EML6: variants seen among roughly 807,000 people sequenced by gnomAD.
The protein encoded by EML6 is echinoderm microtubule-associated protein-like 6.
Under a neutral mutation model 240.1 loss-of-function variants are expected in EML6, and 154 were observed. The ratio of observed to expected loss-of-function variants is 0.64; its 90% CI spans 0.56 to 0.73. EML6 has a LOEUF of 0.73. Among genes scored for constraint, EML6 ranks in the 30% least tolerant of loss-of-function variants. EML6 has a pLI of 0.00. For missense variants in EML6, 2,964 were observed against 2,474.6 expected, an observed-to-expected ratio of 1.20 and a Z score of -4.20; for synonymous variants, 1,148 against 899.0, an observed-to-expected ratio of 1.28 and a Z score of -4.95.
intron 9 of EML6, 118 bp downstream of exon 9, chr2:54,847,741 A>ATCGCAG: frequency 1.9e-6 from 2 of 1,036,730 alleles, no homozygotes; most frequent in Non-Finnish European, 2.8e-6. Context: ...TTCAAATAGG[A>ATCGCAG]ATACTATAGA....
intron 26 of EML6, among the ~76,000 whole-genome samples, chr2:54,917,404 G>A (rs546576567): frequency 3.2e-4 from 29 of 91,924 alleles, no homozygotes; most frequent in African/African-American, 1.1e-3. Context: ...TCACTCTTTT[G>A]CCCAGGCTGG....
chr2:54,776,338 G>T (rs1021736209), intron 2 of EML6, among the ~76,000 whole-genome samples: 1 of 152,094 alleles, frequency 6.6e-6, no homozygotes, highest in Admixed American at 6.6e-5. Context: ...CTGTAAAACT[G>T]CCTGGGCTCG....
Position 54,850,037 on chromosome 2 carries a change from T to G in EML6, c.1263T>G (p.Ser421=). 1.9e-6 allele frequency: 3 copies of G among 1,551,930 alleles called. No individual in the cohort carries two copies. The highest frequency in any genetic ancestry group is 2.6e-6 in the Non-Finnish European group (3 of 1,146,988). ...AAATGAAATTTTCTCCAGATGGTTCTTACCTTGCAGTGGGATCCAATGATG... is the reference window on the plus strand; with the variant it reads ...AAATGAAATTTTCTCCAGATGGTTCGTACCTTGCAGTGGGATCCAATGATG... ...IHEMKFSPDG[S]YLAVGSNDGP... Residue 421 remains serine (S), a synonymous_variant, in exon 10 of 42, where the codon TCT becomes TCG. Transcript: ENST00000356458.
chr2:54,757,685 C>T (rs970940069), intron 2 of EML6, among the ~76,000 whole-genome samples: 4 of 152,036 alleles, frequency 2.6e-5, no homozygotes, highest in Non-Finnish European at 4.4e-5. Context: ...TCAACTAGTC[C>T]TCCTACTTTC....
intron 11 of EML6, among the ~76,000 whole-genome samples, chr2:54,859,077 G>A (rs1258107936): frequency 6.6e-6 from 1 of 152,216 alleles, no homozygotes; most frequent in Non-Finnish European, 1.5e-5. Context: ...AGTGTTCACT[G>A]AGTAAAGCAA....
At chr2:54,884,286 C>T (rs1573066038) in intron 17 of EML6, among the ~76,000 whole-genome samples, 1 of 152,162 alleles carries the variant, frequency 6.6e-6, no homozygotes, top group African/African-American at 2.4e-5. Flanking sequence ...GGGCACAGAG[C>T]TTCCATGGCC....
chr2:54,725,061 C>G lies in EML6; in HGVS notation c.-1C>G. On this transcript the variant is annotated 5_prime_UTR_variant, in exon 2 of 42. The change creates a new upstream start codon in the 5' untranslated region. Transcript: ENST00000356458. This position sits in a 1 kb window ranked among gnomAD's most constrained non-coding sequence, Gnocchi z 4.3. ...CGGGGGGCGCGCGGGGTCGGCTTAT[C>G]ATGGCGGATCGGACGGCGCCCCGCT... is the stretch of plus-strand genomic sequence containing the variant. 1.3e-6 allele frequency: 2 copies of G among 1,519,932 alleles called. No homozygotes were observed. Among genetic ancestry groups the G allele is most frequent in the Non-Finnish European group, 1.8e-6 (2 of 1,134,258 alleles). The allele number at this position is 1,519,932 out of a possible 1,614,324, so 94.2% of individuals were successfully genotyped here.
At chr2:54,851,950 C>T (rs952030675) in intron 10 of EML6, among the ~76,000 whole-genome samples, 2 of 152,184 alleles carry the variant, frequency 1.3e-5, no homozygotes, top group African/African-American at 4.8e-5. Flanking sequence ...ATTAGGAAAA[C>T]TGGTTCCTGC....
intron 2 of EML6, among the ~76,000 whole-genome samples, chr2:54,766,618 C>G (rs1668197637): frequency 6.9e-6 from 1 of 143,976 alleles, no homozygotes; most frequent in Non-Finnish European, 1.6e-5. Context: ...GGCAAAGTTA[C>G]TATTTTTTTT....
intron 2 of EML6, among the ~76,000 whole-genome samples, chr2:54,789,513 CAAAAAAAAAAAAAAAA>C (rs576842183): frequency 2.2e-4 from 17 of 77,886 alleles, no homozygotes; most frequent in South Asian, 9.4e-4. Context: ...GACTTCGTCT[CAAAAAAAAAAAAAAAA>C]AAAAAAAAAA....
chr2:54,931,731 G>C (rs1674875462), intron 28 of EML6, among the ~76,000 whole-genome samples: 1 of 152,150 alleles, frequency 6.6e-6, no homozygotes, highest in Non-Finnish European at 1.5e-5. Flanking sequence ...AGTACTTGAG[G>C]ACTGAAAGAG....
In EML6 at chr2:54,725,243, A is replaced by G. The variant is rs771545400; in HGVS notation, c.182A>G (p.Asn61Ser). 1 of 1,481,250 alleles carries G rather than the reference A, an allele frequency of 6.8e-7. No individual in the cohort carries two copies. 91.8% of individuals were successfully genotyped at this position (1,481,250 alleles called of 1,614,324 possible). A position where few individuals can be genotyped will look rare whatever the true frequency, so the allele number is the denominator to read the frequency against. ...AGCCAAAAATTCTTCCTGGGACACA[A>G]CGACGACATTATCAGGTAAGGGGGT... ...EHSQKFFLGHNDDIISLALHP... is the reference protein window; with the variant it reads ...EHSQKFFLGHSDDIISLALHP... The change falls in exon 2 of 42, where the codon AAC (asparagine) becomes AGC (serine). Residue 61 changes from asparagine (N) to serine (S), a missense_variant. Coordinates refer to ENST00000356458, the MANE Select transcript of EML6 (RefSeq NM_001039753.4). This position sits in a 1 kb window ranked among gnomAD's most constrained non-coding sequence, Gnocchi z 4.3.
In EML6 at chr2:54,725,033, G is replaced by A. The variant is rs1349581341; in HGVS notation, c.-29G>A. 15 of 1,481,644 alleles carry A rather than the reference G, an allele frequency of 1.0e-5. No homozygotes were observed. The highest frequency in any genetic ancestry group is 2.4e-5 in the Admixed American group (1 of 41,494). The allele number at this position is 1,481,644 out of a possible 1,614,324, so 91.8% of individuals were successfully genotyped here. A position where few individuals can be genotyped will look rare whatever the true frequency, so the allele number is the denominator to read the frequency against. On this transcript the variant is annotated 5_prime_UTR_variant, in exon 2 of 42. Transcript: ENST00000356458. This position sits in a 1 kb window ranked among gnomAD's most constrained non-coding sequence, Gnocchi z 4.3. ...GCGAGGACGGCCCCGGCGCGCGGGG[G>A]GGCGGGGGGCGCGCGGGGTCGGCTT...
Position 54,903,371 on chromosome 2 carries a change from A to T in EML6, c.3278A>T (p.Asp1093Val), listed in dbSNP as rs570238408. Residue 1093 changes from aspartate (D) to valine (V), a missense_variant and splice_region_variant, in exon 24 of 42, where the codon GAT becomes GTT. Coordinates refer to ENST00000356458, the MANE Select transcript of EML6 (RefSeq NM_001039753.4). ...EMISDIKFSK[D>V]TGKYLAVASH... Reference sequence around the variant, plus strand: ...GTTAACCCCACATTTTTCTTAACAGATACGGGAAAATACCTTGCCGTGGCA... The same window carrying T: ...GTTAACCCCACATTTTTCTTAACAGTTACGGGAAAATACCTTGCCGTGGCA... The T allele has an allele frequency of 2.1e-5, 32 of 1,551,024 alleles. No homozygotes were observed. The Admixed American group carries it at 6.3e-4, about 31-fold the overall frequency.
intron 24 of EML6, among the ~76,000 whole-genome samples, chr2:54,905,756 G>C (rs1303741700): frequency 6.6e-6 from 1 of 152,042 alleles, no homozygotes; most frequent in Non-Finnish European, 1.5e-5. Flanking sequence ...AACCACTCTA[G>C]GTACCTCGTA....
chr2:54,879,805 C>A, intron 17 of EML6, 165 bp downstream of exon 17: 1 of 606,784 alleles, frequency 1.6e-6, no homozygotes, highest in East Asian at 2.8e-5. Context: ...TGGTGCCAAA[C>A]CTGACTTAGA....
chr2:54,775,172 T>A (rs1385162316), intron 2 of EML6, among the ~76,000 whole-genome samples: 2 of 152,172 alleles, frequency 1.3e-5, no homozygotes, highest in Non-Finnish European at 2.9e-5. Context: ...GCCTTTAAAA[T>A]TTTTAAATCA....
intron 2 of EML6, among the ~76,000 whole-genome samples, chr2:54,762,701 T>C (rs1351482051): frequency 6.6e-6 from 1 of 152,238 alleles, no homozygotes; most frequent in African/African-American, 2.4e-5. Context: ...ATTTCCTTTG[T>C]CCTTCTGACA....
chr2:54,850,651 T>G (rs1670028513), intron 10 of EML6, among the ~76,000 whole-genome samples: 1 of 152,126 alleles, frequency 6.6e-6, no homozygotes, highest in Non-Finnish European at 1.5e-5. Flanking sequence ...AAATGATCAT[T>G]AAAACAACAG....
Sources: gnomAD v4.1 joint callset for allele counts (sites outside exome capture counted in the v4.1 genomes callset) on GRCh38, gnomAD v4.1.1 for gene constraint, Gnocchi (gnomAD v3.1) non-coding constraint, MANE v1.5 for transcripts, NCBI Gene and HGNC (gene_info 2026-07-23, HGNC 2026-07-21) for gene names.